Variants in ZFHX3 observed in about 807,000 individuals in gnomAD.
The protein encoded by ZFHX3 is zinc finger homeobox 3.
Under a neutral mutation model 279.1 loss-of-function variants are expected in ZFHX3, and 42 were observed. The observed-to-expected ratio is 0.15, with a 90% CI of 0.12 to 0.19. ZFHX3 has a LOEUF of 0.19. Ranked by LOEUF, ZFHX3 falls within the 10% of genes least tolerant of loss-of-function variation. The pLI is 1.00. For synonymous variants in ZFHX3, 2,293 were observed against 1,957.8 expected (o/e 1.17, Z -4.52); for missense variants, 4,981 against 4,754.0 (o/e 1.05, Z -1.40).
chr16:72,829,529 A>G (rs1833657066), intron 5 of ZFHX3: 1 of 474,278 alleles, frequency 2.1e-6, no homozygotes, highest in Non-Finnish European at 3.8e-6. Context: ...TCAATAAGCA[A>G]GCTGGCTTTG....
chr16:73,453,167 T>C (rs2018308269), intron 3 of ZFHX3, among the ~76,000 whole-genome samples: 1 of 152,228 alleles, frequency 6.6e-6, no homozygotes, highest in African/African-American at 2.4e-5. Context: ...TAAATGTGTG[T>C]TGACTGATTG....
chr16:73,644,504 G>A (rs771983111), intron 2 of ZFHX3, among the ~76,000 whole-genome samples: 9 of 151,748 alleles, frequency 5.9e-5, no homozygotes, highest in Non-Finnish European at 1.2e-4. Context: ...CTACTAAAAG[G>A]GCAAAAATTA....
At chr16:73,215,864 T>A (rs1226501469) in intron 5 of ZFHX3, among the ~76,000 whole-genome samples, 4 of 152,080 alleles carry the variant, frequency 2.6e-5, no homozygotes, top group Non-Finnish European at 4.4e-5. Flanking sequence ...GAGAGGTGTG[T>A]GTGTGTGCAT....
intron 1 of ZFHX3, among the ~76,000 whole-genome samples, chr16:73,833,490 A>T (rs946623600): frequency 1.3e-5 from 2 of 152,170 alleles, no homozygotes; most frequent in African/African-American, 2.4e-5. Flanking sequence ...ATTCTTCAGC[A>T]AACTAACACA....
chr16:73,511,269 C>A (rs2019423802), intron 2 of ZFHX3, among the ~76,000 whole-genome samples: 1 of 152,254 alleles, frequency 6.6e-6, no homozygotes, highest in Admixed American at 6.5e-5. Context: ...CACCCTGGCA[C>A]TGGCCTTCCT....
intron 3 of ZFHX3, among the ~76,000 whole-genome samples, chr16:73,407,383 T>C (rs924499569): frequency 9.2e-5 from 14 of 152,216 alleles, no homozygotes; most frequent in African/African-American, 3.4e-4. Flanking sequence ...TGAATGGTGG[T>C]TCACCCCTTG....
chr16:73,181,890 C>T (rs544354246), intron 5 of ZFHX3, among the ~76,000 whole-genome samples: 95 of 152,222 alleles, frequency 6.2e-4, no homozygotes, highest in African/African-American at 2.2e-3. Context: ...CAAGCCCTGA[C>T]TCAGGGTGGC....
chr16:73,139,468 G>C (rs1244744202), intron 6 of ZFHX3, among the ~76,000 whole-genome samples: 1 of 152,182 alleles, frequency 6.6e-6, no homozygotes, highest in Non-Finnish European at 1.5e-5. Flanking sequence ...CATTTCTCAA[G>C]ATATTGTACA....
intron 3 of ZFHX3, among the ~76,000 whole-genome samples, chr16:73,364,587 C>T (rs1480959311): frequency 6.6e-6 from 1 of 152,098 alleles, no homozygotes; most frequent in Non-Finnish European, 1.5e-5. Context: ...GTAGCATGGC[C>T]TAGTCTGGCC....
intron 1 of ZFHX3, among the ~76,000 whole-genome samples, chr16:73,870,963 C>A (rs1279067009): frequency 6.6e-6 from 1 of 152,108 alleles, no homozygotes; most frequent in Non-Finnish European, 1.5e-5. Context: ...CTCAACAATT[C>A]ACAAACCAAT....
chr16:72,894,233 C>G, intron 3 of ZFHX3, among the ~76,000 whole-genome samples: 1 of 151,944 alleles, frequency 6.6e-6, no homozygotes. Context: ...CCAACCCAAA[C>G]TTCTGCTTGG....
At chr16:73,167,394 T>C (rs1967399618) in intron 5 of ZFHX3, among the ~76,000 whole-genome samples, 1 of 152,198 alleles carries the variant, frequency 6.6e-6, no homozygotes, top group African/African-American at 2.4e-5. Context: ...AAAATAACAG[T>C]CCACATCCTC....
intron 3 of ZFHX3, among the ~76,000 whole-genome samples, chr16:73,351,324 G>A (rs2016237307): frequency 6.6e-6 from 1 of 152,210 alleles, no homozygotes. Context: ...TGAATTGGCT[G>A]AGTGGCTTTC....
chr16:72,970,615 G>A (rs974024427), intron 1 of ZFHX3, among the ~76,000 whole-genome samples: 4 of 152,114 alleles, frequency 2.6e-5, no homozygotes, highest in African/African-American at 7.2e-5. Flanking sequence ...TTGCAAGCCC[G>A]CAGCTCACAA....
chr16:73,275,130 C>T (rs1285168932), intron 4 of ZFHX3, among the ~76,000 whole-genome samples: 2 of 152,158 alleles, frequency 1.3e-5, no homozygotes, highest in Non-Finnish European at 2.9e-5. Context: ...TTTCCTGTTT[C>T]GGGACAGAGA....
In ZFHX3 at chr16:73,418,040, G is replaced by C. The variant is rs565723584; in HGVS notation, c.-1291+37963C>G. ...AAAAAGAAAAGGCTGTGGGATGCAA[G>C]GAAAGACAGTAAGTCATGGGATGGA... is the stretch of plus-strand genomic sequence containing the variant. On this transcript the variant is annotated intron_variant, in intron 3 of 17. Transcript: ENST00000641206. 9.3e-5 allele frequency among the ~76,000 whole-genome samples: 14 copies of C among 150,104 alleles called. No homozygotes were observed. In the South Asian group the frequency reaches 2.8e-3, roughly 30 times the overall value.
At chr16:72,987,333 C>A (rs1198183364) in intron 1 of ZFHX3, among the ~76,000 whole-genome samples, 1 of 152,182 alleles carries the variant, frequency 6.6e-6, no homozygotes, top group Non-Finnish European at 1.5e-5. Context: ...TGAAGGGACA[C>A]CACTTTGAGA....
In ZFHX3 at chr16:73,580,472, G is replaced by A. The variant is rs536693250; in HGVS notation, c.-1547+99708C>T. The stretch of plus-strand genomic sequence containing the variant: ...CAGCCTGGCAACAGAGCGAGACTCC[G>A]TCTCAAAAAAACAAAAACAAAAACA... On this transcript the variant is annotated intron_variant, in intron 2 of 17. Coordinates refer to the ZFHX3 transcript ENST00000641206. 2.2e-4 allele frequency among the ~76,000 whole-genome samples: 33 copies of A among 146,832 alleles called. 2 individuals are homozygous for A. The highest frequency in any genetic ancestry group is 2.2e-3 in the South Asian group (10 of 4,536).
At chr16:73,290,074 A>G (rs2014730646) in intron 4 of ZFHX3, among the ~76,000 whole-genome samples, 1 of 152,024 alleles carries the variant, frequency 6.6e-6, no homozygotes, top group East Asian at 1.9e-4. Context: ...TATACGAACT[A>G]AGAACATAAG....
Sources: allele counts gnomAD v4.1 joint callset (sites outside exome capture counted in the v4.1 genomes callset), GRCh38; gene constraint gnomAD v4.1.1; transcripts MANE v1.5; gene names NCBI Gene and HGNC (gene_info 2026-07-23, HGNC 2026-07-21).